ANKS1B: variants seen among roughly 807,000 people sequenced by gnomAD.
The protein encoded by ANKS1B is ankyrin repeat and sterile alpha motif domain containing 1B, also known as ankyrin repeat and sterile alpha motif domain-containing protein 1B.
In ANKS1B, 36 loss-of-function variants were observed where a neutral mutation model predicts 148.3. That is an observed-to-expected ratio of 0.24 (90% CI 0.19 to 0.32). The LOEUF (loss-of-function observed/expected upper bound fraction) is 0.32. ANKS1B is among the 10% of genes least tolerant of loss of function. The pLI is 1.00. For synonymous variants in ANKS1B, 542 were observed against 560.8 expected (o/e 0.97, Z 0.47); for missense variants, 1,157 against 1,542.6 (o/e 0.75, Z 4.19).
chr12:99,273,668 TC>T (rs1195509097), intron 12 of ANKS1B, among the ~76,000 whole-genome samples: 25 of 126,772 alleles, frequency 2.0e-4, no homozygotes, highest in African/African-American at 7.8e-4. Context: ...CCTCCACCCC[TC>T]CAGGTTTAAG....
intron 12 of ANKS1B, among the ~76,000 whole-genome samples, chr12:99,346,854 A>G (rs1049518054): frequency 2.6e-5 from 4 of 151,598 alleles, no homozygotes; most frequent in African/African-American, 9.7e-5. Flanking sequence ...CCCTTCACCT[A>G]CTGCCAGTCA....
intron 8 of ANKS1B, among the ~76,000 whole-genome samples, chr12:99,754,887 CA>C: frequency 6.6e-6 from 1 of 152,100 alleles, no homozygotes; most frequent in African/African-American, 2.4e-5. Flanking sequence ...ATGCCCACGT[CA>C]AAAAGTTAGA....
intron 14 of ANKS1B, among the ~76,000 whole-genome samples, chr12:99,209,959 C>T (rs1189605919): frequency 5.3e-5 from 8 of 152,252 alleles, no homozygotes; most frequent in Non-Finnish European, 1.2e-4. Flanking sequence ...ATAAACTTCT[C>T]CCCTACACAG....
chr12:98,751,512 T>A lies in ANKS1B; in HGVS notation c.3590A>T (p.Tyr1197Phe), dbSNP rs1322465000. The change falls in exon 26 of 27, where the codon TAT (tyrosine) becomes TTT (phenylalanine). Residue 1197 changes from tyrosine to phenylalanine, a missense_variant. Transcript: ENST00000683438. The surrounding 1 kb of genome is among the most constrained non-coding windows in gnomAD (Gnocchi z 4.3). ...CTGTCCCAGGGTTAGGATGATTTCA[T>A]AGGCTAAATTCTGCAAGAAAAATGA... Reference protein sequence around the residue: ...VFTAFDVNLAYEIILTLGQAF... With the variant: ...VFTAFDVNLAFEIILTLGQAF... 1 of 1,613,498 alleles carries A rather than the reference T, an allele frequency of 6.2e-7. No homozygotes were observed. The highest frequency in any genetic ancestry group is 1.7e-5 in the Admixed American group (1 of 59,900).
intron 17 of ANKS1B, among the ~76,000 whole-genome samples, chr12:98,979,784 T>G (rs1251371088): frequency 1.3e-5 from 2 of 152,184 alleles, no homozygotes; most frequent in East Asian, 3.9e-4. Context: ...TTGAATTTCT[T>G]GGATCTGTGG....
intron 15 of ANKS1B, among the ~76,000 whole-genome samples, chr12:99,116,833 C>T (rs2372723): frequency 0.046 from 7,074 of 152,232 alleles, 332 homozygotes; most frequent in African/African-American, 0.11. Flanking sequence ...TCTCCATGAA[C>T]ATGGAATGCT....
intron 15 of ANKS1B, among the ~76,000 whole-genome samples, chr12:99,151,410 C>A (rs193111106): frequency 3.0e-4 from 46 of 152,022 alleles, no homozygotes; most frequent in African/African-American, 1.0e-3. Flanking sequence ...CACCTGTAAT[C>A]CCAGCTACTT....
intron 1 of ANKS1B, among the ~76,000 whole-genome samples, chr12:99,890,570 G>GGTGGGT (rs2093043320): frequency 7.2e-6 from 1 of 137,960 alleles, no homozygotes; most frequent in African/African-American, 2.8e-5. Flanking sequence ...TCGCATTCAT[G>GGTGGGT]GTGTGTGTGT....
At chr12:99,194,030 T>C (rs1409036104) in intron 14 of ANKS1B, among the ~76,000 whole-genome samples, 1 of 151,738 alleles carries the variant, frequency 6.6e-6, no homozygotes, top group Non-Finnish European at 1.5e-5. Flanking sequence ...TCAATCTCTT[T>C]ACCTCGTGAT....
chr12:99,036,021 C>T (rs1018181927), intron 17 of ANKS1B, among the ~76,000 whole-genome samples: 2 of 152,158 alleles, frequency 1.3e-5, no homozygotes, highest in African/African-American at 2.4e-5. Flanking sequence ...CAATGACTGC[C>T]GAGTTGGCTT....
At chr12:98,862,770 T>C (rs908998483) in intron 17 of ANKS1B, among the ~76,000 whole-genome samples, 1 of 152,224 alleles carries the variant, frequency 6.6e-6, no homozygotes, top group African/African-American at 2.4e-5. Flanking sequence ...TGTACCCACA[T>C]GCCCCATAAA....
rs575736809 is a variant in ANKS1B at position 99,211,541 on chromosome 12, T to C, written c.2419+32801A>G. On this transcript the variant is annotated intron_variant, in intron 14 of 26. Transcript: ENST00000683438. ...AACACTGATTCTACTTTATAAAATG[T>C]AGTATTACCTCATCCTAGCATTGCA... is the stretch of plus-strand genomic sequence containing the variant. 9.8e-5 allele frequency among the ~76,000 whole-genome samples: 15 copies of C among 152,328 alleles called. No individual in the cohort carries two copies. In the East Asian group the frequency reaches 2.7e-3, roughly 27 times the overall value.
intron 11 of ANKS1B, among the ~76,000 whole-genome samples, chr12:99,406,193 A>G (rs1166738439): frequency 1.4e-5 from 2 of 145,662 alleles, no homozygotes; most frequent in Non-Finnish European, 3.0e-5. Flanking sequence ...TCTACAGAAC[A>G]TTTCAATGAA....
intron 1 of ANKS1B, among the ~76,000 whole-genome samples, chr12:99,938,626 T>C (rs907266136): frequency 1.3e-5 from 2 of 152,166 alleles, no homozygotes; most frequent in African/African-American, 4.8e-5. Flanking sequence ...ACTGGTGACA[T>C]GAAATCCCCA....
chr12:99,443,192 A>C (rs1427061086), intron 11 of ANKS1B, among the ~76,000 whole-genome samples: 1 of 151,986 alleles, frequency 6.6e-6, no homozygotes, highest in African/African-American at 2.4e-5. Flanking sequence ...ACACTGGAGG[A>C]AAACAAGGAG....
At chr12:99,850,652 T>C (rs2087657997) in intron 1 of ANKS1B, among the ~76,000 whole-genome samples, 1 of 152,014 alleles carries the variant, frequency 6.6e-6, no homozygotes, top group Non-Finnish European at 1.5e-5. Context: ...AATACCCCAA[T>C]TATGTTAAGT....
chr12:99,009,645 A>G (rs1219316170), intron 17 of ANKS1B, among the ~76,000 whole-genome samples: 1 of 152,168 alleles, frequency 6.6e-6, no homozygotes, highest in Non-Finnish European at 1.5e-5. Flanking sequence ...CTATCTCTCC[A>G]TAAGGCAGGG....
intron 14 of ANKS1B, among the ~76,000 whole-genome samples, chr12:99,189,494 C>T (rs2080341314): frequency 1.3e-5 from 2 of 152,174 alleles, no homozygotes; most frequent in Admixed American, 1.3e-4. Flanking sequence ...GCTTATCTAC[C>T]ACGATCAAGT....
intron 17 of ANKS1B, among the ~76,000 whole-genome samples, chr12:99,046,961 T>C (rs1568546592): frequency 6.6e-6 from 1 of 151,950 alleles, no homozygotes. Context: ...GACATAGCAA[T>C]AGAAACAATC....
Sources: allele counts gnomAD v4.1 joint callset (sites outside exome capture counted in the v4.1 genomes callset), GRCh38; gene constraint gnomAD v4.1.1; non-coding constraint Gnocchi (gnomAD v3.1); transcripts MANE v1.5; gene names NCBI Gene and HGNC (gene_info 2026-07-23, HGNC 2026-07-21).